RBMS3: variants seen among roughly 807,000 people sequenced by gnomAD.
The protein encoded by RBMS3 is RNA-binding motif, single-stranded-interacting protein 3.
A neutral mutation model predicts 66.8 loss-of-function variants in RBMS3; 27 were observed. The observed-to-expected ratio is 0.40, with a 90% CI of 0.30 to 0.56. The LOEUF is 0.56. Among genes scored for constraint, RBMS3 ranks in the 20% least tolerant of loss-of-function variants. The pLI is 0.40. For missense variants in RBMS3, 513 were observed against 549.5 expected, an observed-to-expected ratio of 0.93 and a Z score of 0.66; for synonymous variants, 188 against 183.0, an observed-to-expected ratio of 1.03 and a Z score of -0.22.
intron 3 of RBMS3, among the ~76,000 whole-genome samples, chr3:29,524,460 C>T (rs1284245347): frequency 3.1e-4 from 27 of 86,184 alleles, no homozygotes; most frequent in South Asian, 1.3e-3. Context: ...CGGAGTTTTG[C>T]TCTGTCTCCC....
chr3:29,604,356 G>T (rs1413282950), intron 4 of RBMS3, among the ~76,000 whole-genome samples: 3 of 151,718 alleles, frequency 2.0e-5, no homozygotes, highest in Admixed American at 6.6e-5. Flanking sequence ...GTAGTTTATT[G>T]TACCTCCTTT....
rs549186882 is a variant in RBMS3, at chr3:29,364,455, T to C, written c.76-70288T>C. Among the ~76,000 whole-genome samples, 217 of 152,284 alleles carry C rather than the reference T, an allele frequency of 1.4e-3. 2 individuals carry two copies. In the South Asian group the frequency reaches 0.044, roughly 31 times the overall value. ...ATGTCTTATCTAGGTATTCTTATGC[T>C]TCCACAGCAAAGTATGAATAAGTAT... is the stretch of plus-strand genomic sequence containing the variant. On this transcript the variant is annotated intron_variant, in intron 1 of 14. Transcript: ENST00000383767.
intron 1 of RBMS3, among the ~76,000 whole-genome samples, chr3:29,359,234 T>A (rs2037411722): frequency 6.6e-6 from 1 of 152,188 alleles, no homozygotes; most frequent in Non-Finnish European, 1.5e-5. Context: ...AATACCTAAT[T>A]TATTGAGAGG....
chr3:29,562,204 T>A (rs2046581727), intron 3 of RBMS3, among the ~76,000 whole-genome samples: 1 of 152,148 alleles, frequency 6.6e-6, no homozygotes, highest in Admixed American at 6.5e-5. Flanking sequence ...GCAATAGAAT[T>A]TAGCGTGGCT....
At chr3:29,704,188 T>C (rs1458623581) in intron 4 of RBMS3, among the ~76,000 whole-genome samples, 1 of 152,172 alleles carries the variant, frequency 6.6e-6, no homozygotes, top group Non-Finnish European at 1.5e-5. Context: ...CGTAATGCGC[T>C]TGAATCATCC....
chr3:29,753,253 T>G (rs2055260954), intron 5 of RBMS3, among the ~76,000 whole-genome samples: 1 of 152,190 alleles, frequency 6.6e-6, no homozygotes, highest in Non-Finnish European at 1.5e-5. Flanking sequence ...CCTAGATATT[T>G]AAAATTGAAC....
At chr3:29,425,800 T>C (rs922689577) in intron 1 of RBMS3, among the ~76,000 whole-genome samples, 1 of 152,202 alleles carries the variant, frequency 6.6e-6, no homozygotes, top group Non-Finnish European at 1.5e-5. Flanking sequence ...GACATTGACA[T>C]GGTTGGCTAG....
Position 29,988,695 on chromosome 3 carries a change from G to A in RBMS3, c.1179+472G>A, listed in dbSNP as rs147684988. ...CCTTGCTACTTGAGATGCTGAGACA[G>A]GAGGATCTCTTGAGACCAGAAGTTC... On this transcript the variant is annotated intron_variant, in intron 13 of 14. Coordinates refer to ENST00000383767, the MANE Select transcript of RBMS3 (RefSeq NM_001003793.3). Among the ~76,000 whole-genome samples the A allele has an allele frequency of 8.5e-5, 13 of 152,238 alleles. No individual in the cohort carries two copies. The East Asian group carries it at 2.5e-3, about 29-fold the overall frequency.
intron 4 of RBMS3, among the ~76,000 whole-genome samples, chr3:29,725,788 G>A (rs541966467): frequency 6.6e-6 from 1 of 152,294 alleles, no homozygotes; most frequent in Non-Finnish European, 1.5e-5. Context: ...GTACAAAGAA[G>A]AGCTGGTGCC....
At chr3:29,972,185 A>G (rs185165841) in intron 12 of RBMS3, among the ~76,000 whole-genome samples, 27 of 147,292 alleles carry the variant, frequency 1.8e-4, no homozygotes, top group Non-Finnish European at 3.9e-4. Flanking sequence ...TCTCCTTTCT[A>G]TTTTTTTTTT....
intron 6 of RBMS3, among the ~76,000 whole-genome samples, chr3:29,829,021 TC>T (rs1426457425): frequency 1.7e-4 from 9 of 53,548 alleles, no homozygotes; most frequent in Admixed American, 1.4e-3. Flanking sequence ...TTTCTTTCTT[TC>T]TTTCTTTCTT....
At chr3:29,713,492 G>A (rs899311011) in intron 4 of RBMS3, among the ~76,000 whole-genome samples, 23 of 152,162 alleles carry the variant, frequency 1.5e-4, no homozygotes, top group African/African-American at 5.3e-4. Context: ...GCTACATCCT[G>A]TGCTGGCTCC....
In RBMS3 at chr3:29,488,518, G is replaced by A. The variant is rs367612804; in HGVS notation, c.307+19G>A. The A allele has an allele frequency of 8.3e-5, 132 of 1,599,556 alleles. No homozygotes were observed. The highest frequency in any genetic ancestry group is 5.7e-4 in the South Asian group (51 of 90,224). Reference sequence around the variant, plus strand: ...TGCAAAGGTATGTGTAAGGGCATCCGTACCCTGAAATCTTGCCTATGCTAT... The same window carrying A: ...TGCAAAGGTATGTGTAAGGGCATCCATACCCTGAAATCTTGCCTATGCTAT... On this transcript the variant is annotated intron_variant, in intron 3 of 14. Transcript: ENST00000383767.
intron 3 of RBMS3, among the ~76,000 whole-genome samples, chr3:29,503,713 A>G (rs2044066368): frequency 6.6e-6 from 1 of 152,126 alleles, no homozygotes; most frequent in Admixed American, 6.6e-5. Flanking sequence ...TTTGTAACCA[A>G]AATCAAGTAA....
chr3:29,430,960 G>T (rs2041161522), intron 1 of RBMS3, among the ~76,000 whole-genome samples: 1 of 152,168 alleles, frequency 6.6e-6, no homozygotes, highest in South Asian at 2.1e-4. Flanking sequence ...ACACCAGGAA[G>T]CCACCTCGGC....
intron 6 of RBMS3, among the ~76,000 whole-genome samples, chr3:29,822,322 G>A (rs2149476499): frequency 6.6e-6 from 1 of 152,218 alleles, no homozygotes; most frequent in East Asian, 1.9e-4. Context: ...TTTAATCTCT[G>A]TTGCCATGAT....
chr3:29,889,601 A>G (rs531396157), intron 8 of RBMS3, among the ~76,000 whole-genome samples: 1 of 151,812 alleles, frequency 6.6e-6, no homozygotes, highest in South Asian at 2.1e-4. Context: ...GTACAAGATA[A>G]TCATCAGTGT....
chr3:29,325,997 T>G (rs1039813119), intron 1 of RBMS3, among the ~76,000 whole-genome samples: 4 of 152,172 alleles, frequency 2.6e-5, no homozygotes, highest in Non-Finnish European at 4.4e-5. Flanking sequence ...TGAATCACCT[T>G]TCCATCCTTG....
intron 4 of RBMS3, among the ~76,000 whole-genome samples, chr3:29,674,432 G>A (rs1420181540): frequency 6.6e-6 from 1 of 152,060 alleles, no homozygotes; most frequent in East Asian, 1.9e-4. Context: ...AGAAAGAAAG[G>A]GTATTCAGTT....
Sources: allele counts gnomAD v4.1 joint callset (sites outside exome capture counted in the v4.1 genomes callset), GRCh38; gene constraint gnomAD v4.1.1; transcripts MANE v1.5; gene names NCBI Gene and HGNC (gene_info 2026-07-23, HGNC 2026-07-21).